The following ST6GALNAC3 variants were observed in gnomAD, a reference collection of about 807,000 sequenced individuals.
ST6GALNAC3 encodes alpha-N-acetylgalactosaminide alpha-2,6-sialyltransferase 3.
Under a neutral mutation model 32.7 loss-of-function variants are expected in ST6GALNAC3, and 25 were observed. The observed-to-expected ratio is 0.76, with a 90% confidence interval of 0.56 to 1.07. ST6GALNAC3 has a LOEUF of 1.07. Among genes scored for constraint, ST6GALNAC3 ranks in the 50% least tolerant of loss-of-function variants. The probability of loss-of-function intolerance (pLI) is 0.00; values close to 1 mark genes in which losing one functional copy is unlikely to be tolerated. For synonymous variants in ST6GALNAC3, 129 were observed against 133.1 expected, an observed-to-expected ratio of 0.97 and a Z score of 0.21; for missense variants, 355 against 382.4, an observed-to-expected ratio of 0.93 and a Z score of 0.60.
chr1:76,222,215 A>G (rs1378043282), intron 1 of ST6GALNAC3, among the ~76,000 whole-genome samples: 2 of 152,150 alleles, frequency 1.3e-5, no homozygotes, highest in African/African-American at 4.8e-5. Context: ...TAAGCAGAAT[A>G]GTGAAGCTGG....
chr1:76,161,983 A>G (rs941294018), intron 1 of ST6GALNAC3, among the ~76,000 whole-genome samples: 2 of 152,250 alleles, frequency 1.3e-5, no homozygotes. Flanking sequence ...ACATTTGCCA[A>G]TGCCAATTGG....
chr1:76,412,423 C>T lies in ST6GALNAC3; in HGVS notation c.623+6C>T. The T allele has an allele frequency of 1.3e-6, 2 of 1,582,914 alleles. No homozygotes were observed. The highest frequency in any genetic ancestry group is 1.9e-5 in the Admixed American group (1 of 53,900). The stretch of plus-strand genomic sequence containing the variant: ...AAGGAAACTGGGAAGGACAGGTGAG[C>T]CCTCTCTGAAGCAGCTTTATTGTCT... On this transcript the variant is annotated splice_donor_region_variant and intron_variant, in intron 3 of 4. Coordinates refer to ENST00000328299, the MANE Select transcript of ST6GALNAC3 (RefSeq NM_152996.4).
At chr1:76,622,760 A>G (rs1316683515) in intron 3 of ST6GALNAC3, among the ~76,000 whole-genome samples, 1 of 151,990 alleles carries the variant, frequency 6.6e-6, no homozygotes, top group East Asian at 1.9e-4. Context: ...TCATTGAGCT[A>G]TTGGTATTCA....
chr1:76,155,338 A>G (rs1651330717), intron 1 of ST6GALNAC3, among the ~76,000 whole-genome samples: 1 of 152,192 alleles, frequency 6.6e-6, no homozygotes, highest in Non-Finnish European at 1.5e-5. Context: ...CAGCCAAATT[A>G]TTATAGAGAA....
chr1:76,359,459 A>G (rs1649753477), intron 2 of ST6GALNAC3, among the ~76,000 whole-genome samples: 1 of 152,190 alleles, frequency 6.6e-6, no homozygotes, highest in Admixed American at 6.5e-5. Flanking sequence ...GAAGAATGCT[A>G]TGTGAAGACT....
intron 1 of ST6GALNAC3, among the ~76,000 whole-genome samples, chr1:76,141,716 A>T (rs1198881402): frequency 3.3e-5 from 5 of 152,310 alleles, no homozygotes; most frequent in African/African-American, 1.2e-4. Context: ...ATCCCCTCCC[A>T]TCTGGAAATG....
At chr1:76,228,893 A>G (rs949076222) in intron 1 of ST6GALNAC3, among the ~76,000 whole-genome samples, 1 of 152,176 alleles carries the variant, frequency 6.6e-6, no homozygotes, top group Non-Finnish European at 1.5e-5. Context: ...GACCCTGCGC[A>G]TTGATGGTCA....
chr1:76,394,885 G>A (rs959027922), intron 2 of ST6GALNAC3, among the ~76,000 whole-genome samples: 3 of 152,152 alleles, frequency 2.0e-5, no homozygotes, highest in African/African-American at 7.2e-5. Flanking sequence ...AAGATTCCAA[G>A]GCTCAGAATT....
chr1:76,415,409 C>G (rs541192073), intron 3 of ST6GALNAC3, among the ~76,000 whole-genome samples: 2 of 151,722 alleles, frequency 1.3e-5, no homozygotes, highest in Non-Finnish European at 2.9e-5. Flanking sequence ...GAGATAGAAA[C>G]CAATCCTGTT....
intron 2 of ST6GALNAC3, among the ~76,000 whole-genome samples, chr1:76,401,041 T>C (rs1653375865): frequency 6.6e-6 from 1 of 152,206 alleles, no homozygotes; most frequent in South Asian, 2.1e-4. Context: ...TGTTTACATG[T>C]GGATTTATTT....
intron 1 of ST6GALNAC3, among the ~76,000 whole-genome samples, chr1:76,184,319 A>C (rs76834382): frequency 3.3e-5 from 5 of 152,246 alleles, no homozygotes; most frequent in African/African-American, 1.2e-4. Flanking sequence ...CAGGAGGATC[A>C]TTTGAGGTCA....
At chr1:76,458,046 C>T (rs1183093626) in intron 3 of ST6GALNAC3, among the ~76,000 whole-genome samples, 1 of 148,366 alleles carries the variant, frequency 6.7e-6, no homozygotes, top group Non-Finnish European at 1.5e-5. Flanking sequence ...AAGAAAAAAA[C>T]AAACAACCCC....
chr1:76,316,423 A>G (rs1178307450), intron 2 of ST6GALNAC3, among the ~76,000 whole-genome samples: 3 of 152,100 alleles, frequency 2.0e-5, no homozygotes, highest in Non-Finnish European at 4.4e-5. Context: ...CGTGCCACAT[A>G]CATTTGGAAT....
At chr1:76,074,927 C>T in intron 1 of ST6GALNAC3, 43 bp downstream of exon 1, 3 of 1,575,616 alleles carry the variant, frequency 1.9e-6, no homozygotes, top group Middle Eastern at 3.3e-4. Flanking sequence ...GTTGGCCAGC[C>T]CCTTGCTGCT....
intron 3 of ST6GALNAC3, among the ~76,000 whole-genome samples, chr1:76,583,299 G>A (rs771656797): frequency 3.3e-5 from 5 of 152,114 alleles, no homozygotes; most frequent in Non-Finnish European, 5.9e-5. Flanking sequence ...CATAATGGCC[G>A]ACAAAATGTA....
rs926749190 is a variant in ST6GALNAC3, at chr1:76,458,010, T to G, written c.623+45593T>G. On this transcript the variant is annotated intron_variant, in intron 3 of 4. Coordinates refer to ENST00000328299, the MANE Select transcript of ST6GALNAC3 (RefSeq NM_152996.4). Reference sequence around the variant, plus strand: ...TCTGACAAAGGGCTAATATCCAGAATCTACAATGAACTCCAACAAATTTAC... The same window carrying G: ...TCTGACAAAGGGCTAATATCCAGAAGCTACAATGAACTCCAACAAATTTAC... 5.5e-3 allele frequency among the ~76,000 whole-genome samples: 818 copies of G among 148,582 alleles called. 5 individuals are homozygous for G. The highest frequency in any genetic ancestry group is 0.019 in the African/African-American group (781 of 40,336).
intron 1 of ST6GALNAC3, among the ~76,000 whole-genome samples, chr1:76,280,635 A>G (rs1659444759): frequency 6.6e-6 from 1 of 152,214 alleles, no homozygotes; most frequent in Non-Finnish European, 1.5e-5. Flanking sequence ...GGATTCTTGT[A>G]AGAATTAAAT....
chr1:76,112,057 C>T lies in ST6GALNAC3; in HGVS notation c.18+37173C>T, dbSNP rs1205024659. Among the ~76,000 whole-genome samples, 3 of 148,984 alleles carry T rather than the reference C, an allele frequency of 2.0e-5. No homozygotes were observed. The East Asian group carries it at 6.0e-4, about 30-fold the overall frequency. Reference sequence around the variant, plus strand: ...TCACCTCCCGGATGGGGAGGCTGGCCGGGCTGGGGGCTGACCCCCCCACCT... The same window carrying T: ...TCACCTCCCGGATGGGGAGGCTGGCTGGGCTGGGGGCTGACCCCCCCACCT... On this transcript the variant is annotated intron_variant, in intron 1 of 4. Transcript: ENST00000328299.
chr1:76,525,791 G>GTGTATGTATATATATA (rs1438917629), intron 3 of ST6GALNAC3, among the ~76,000 whole-genome samples: 1 of 75,530 alleles, frequency 1.3e-5, no homozygotes, highest in Non-Finnish European at 3.0e-5. Context: ...GTGTGTGTGT[G>GTGTATGTATATATATA]TATATATATA....
Sources: gnomAD v4.1 joint callset for allele counts (sites outside exome capture counted in the v4.1 genomes callset) on GRCh38, gnomAD v4.1.1 for gene constraint, MANE v1.5 for transcripts, NCBI Gene and HGNC (gene_info 2026-07-23, HGNC 2026-07-21) for gene names.